Variants in PTPRZ1 observed in about 807,000 individuals in gnomAD.
PTPRZ1 encodes the protein protein tyrosine phosphatase receptor type Z1, also known as receptor-type tyrosine-protein phosphatase zeta.
A neutral mutation model predicts 214.1 loss-of-function variants in PTPRZ1; 82 were observed. That is an observed-to-expected ratio of 0.38 (90% CI 0.32 to 0.46). The LOEUF (loss-of-function observed/expected upper bound fraction) is 0.46. Ranked by LOEUF, PTPRZ1 falls within the 20% of genes least tolerant of loss-of-function variation. The probability of loss-of-function intolerance (pLI) is 1.00; values close to 1 mark genes in which losing one functional copy is unlikely to be tolerated. For synonymous variants in PTPRZ1, 945 were observed against 987.9 expected, an observed-to-expected ratio of 0.96 and a Z score of 0.81; for missense variants, 2,603 against 2,748.7, an observed-to-expected ratio of 0.95 and a Z score of 1.19.
rs1793932278 is a variant in PTPRZ1 at position 121,873,224 on chromosome 7, G to A, written c.-276G>A. ...CCGCACGCCGGAGGACATGCGCCTC[G>A]GCTAGCGGCCCCGGGCCCCACCACC... On this transcript the variant is annotated 5_prime_UTR_variant, in exon 1 of 30. Coordinates refer to ENST00000393386, the MANE Select transcript of PTPRZ1 (RefSeq NM_002851.3). 1.4e-5 allele frequency: 6 copies of A among 424,696 alleles called. No individual in the cohort carries two copies. The South Asian group carries it at 4.6e-4, about 32-fold the overall frequency. 26.3% of individuals were successfully genotyped at this position (424,696 alleles called of 1,614,324 possible).
intron 8 of PTPRZ1, among the ~76,000 whole-genome samples, chr7:121,992,561 T>C (rs555317464): frequency 2.6e-5 from 4 of 152,328 alleles, no homozygotes; most frequent in African/African-American, 9.6e-5. Flanking sequence ...AGGAAATGTG[T>C]ATAAATTTGA....
rs573413729 is a variant in PTPRZ1, at chr7:121,991,254, A to G, written c.929-5128A>G. 3.3e-5 allele frequency among the ~76,000 whole-genome samples: 5 copies of G among 152,350 alleles called. No individual in the cohort carries two copies. In the South Asian group the frequency reaches 6.2e-4, roughly 19 times the overall value. On this transcript the variant is annotated intron_variant, in intron 8 of 29. Transcript: ENST00000393386. ...GTGCTACTGACTCATAACTAGTATC[A>G]TTGTCATGTGTATATATGGACAGCC...
At chr7:122,023,878 C>G (rs1192290614) in intron 13 of PTPRZ1, among the ~76,000 whole-genome samples, 2 of 142,144 alleles carry the variant, frequency 1.4e-5, no homozygotes, top group Non-Finnish European at 3.0e-5. Flanking sequence ...TAGCCAGACC[C>G]AGGAATAGAA....
intron 29 of PTPRZ1, among the ~76,000 whole-genome samples, chr7:122,060,776 C>T (rs529648125): frequency 2.0e-5 from 3 of 152,266 alleles, no homozygotes; most frequent in South Asian, 2.1e-4. Context: ...CAAACGGTTT[C>T]GCCCACAAGT....
At chr7:121,928,783 T>C (rs1320960639) in intron 2 of PTPRZ1, among the ~76,000 whole-genome samples, 1 of 152,318 alleles carries the variant, frequency 6.6e-6, no homozygotes, top group Admixed American at 6.5e-5. Flanking sequence ...GCCTAGAACA[T>C]TATGAACATC....
At chr7:122,009,252 G>A (rs938105111) in intron 11 of PTPRZ1, among the ~76,000 whole-genome samples, 3 of 152,008 alleles carry the variant, frequency 2.0e-5, no homozygotes, top group Non-Finnish European at 4.4e-5. Context: ...AGATTTCCGT[G>A]TGTATGACAC....
chr7:121,939,186 T>C (rs1796173347), intron 2 of PTPRZ1, among the ~76,000 whole-genome samples: 1 of 152,246 alleles, frequency 6.6e-6, no homozygotes, highest in African/African-American at 2.4e-5. Context: ...AAATAGATTA[T>C]ACAAAAGATA....
intron 6 of PTPRZ1, among the ~76,000 whole-genome samples, chr7:121,978,063 T>C (rs1022874689): frequency 3.3e-5 from 5 of 152,150 alleles, no homozygotes; most frequent in African/African-American, 1.2e-4. Context: ...GGGGGTGCCT[T>C]GGAAGGCACT....
At chr7:121,908,073 T>G (rs1273156229) in intron 1 of PTPRZ1, among the ~76,000 whole-genome samples, 1 of 152,130 alleles carries the variant, frequency 6.6e-6, no homozygotes, top group Non-Finnish European at 1.5e-5. Context: ...TACTAAGCTC[T>G]AACCAAATGT....
chr7:121,963,438 T>C (rs1796940998), intron 2 of PTPRZ1, among the ~76,000 whole-genome samples: 1 of 152,060 alleles, frequency 6.6e-6, no homozygotes, highest in Non-Finnish European at 1.5e-5. Flanking sequence ...GTTGAAATAA[T>C]GAATAAGCAT....
intron 1 of PTPRZ1, among the ~76,000 whole-genome samples, chr7:121,902,440 T>C (rs1448858907): frequency 6.6e-6 from 1 of 152,182 alleles, no homozygotes; most frequent in Non-Finnish European, 1.5e-5. Flanking sequence ...AACATCATGC[T>C]TTCTTCCAAA....
intron 2 of PTPRZ1, among the ~76,000 whole-genome samples, chr7:121,962,876 A>G (rs770426677): frequency 1.3e-5 from 2 of 152,062 alleles, no homozygotes; most frequent in Non-Finnish European, 2.9e-5. Flanking sequence ...TGTGCACAAT[A>G]TTAACACTTC....
chr7:121,961,207 T>A (rs1440251530), intron 2 of PTPRZ1, among the ~76,000 whole-genome samples: 1 of 152,190 alleles, frequency 6.6e-6, no homozygotes, highest in Non-Finnish European at 1.5e-5. Flanking sequence ...TATGAGCTCC[T>A]TCCTCTTCCA....
intron 11 of PTPRZ1, among the ~76,000 whole-genome samples, chr7:122,007,485 A>G (rs1397388543): frequency 6.6e-6 from 1 of 152,160 alleles, no homozygotes; most frequent in Non-Finnish European, 1.5e-5. Context: ...AAAGAGACCC[A>G]TGTCACAATA....
At chr7:121,960,346 CACAA>C (rs766734399) in intron 2 of PTPRZ1, among the ~76,000 whole-genome samples, 144 of 152,212 alleles carry the variant, frequency 9.5e-4, no homozygotes, top group Non-Finnish European at 1.5e-3. Flanking sequence ...CTAGCTGAGA[CACAA>C]ACATTTTCTT....
chr7:121,984,637 T>C (rs960262169), intron 8 of PTPRZ1, among the ~76,000 whole-genome samples: 6 of 152,180 alleles, frequency 3.9e-5, no homozygotes, highest in African/African-American at 1.4e-4. Context: ...CCTAGCACCT[T>C]ATCAGTACTG....
intron 10 of PTPRZ1, 139 bp downstream of exon 10, chr7:121,998,145 A>T (rs1231405305): frequency 9.4e-6 from 9 of 962,484 alleles, no homozygotes; most frequent in Non-Finnish European, 1.3e-5. Flanking sequence ...TTGCCGGGTA[A>T]TTTTTTGGGG....
Position 122,059,906 on chromosome 7 carries a change from G to C in PTPRZ1, c.6807+18G>C, listed in dbSNP as rs191341370. The C allele has an allele frequency of 5.0e-6, 8 of 1,602,522 alleles. No homozygotes were observed. The African/African-American group carries it at 8.1e-5, about 16-fold the overall frequency. ...CTGACATTGTAAGTAACAAGGCAGT[G>C]AACGAAATTTTTCACTGATAGAGTA... On this transcript the variant is annotated intron_variant, in intron 29 of 29. Coordinates refer to ENST00000393386, the MANE Select transcript of PTPRZ1 (RefSeq NM_002851.3).
chr7:121,899,199 T>C (rs1275302678), intron 1 of PTPRZ1, among the ~76,000 whole-genome samples: 2 of 152,168 alleles, frequency 1.3e-5, no homozygotes, highest in African/African-American at 4.8e-5. Flanking sequence ...TGAGAACATA[T>C]CTCTCTTTTC....
Sources: allele counts gnomAD v4.1 joint callset (sites outside exome capture counted in the v4.1 genomes callset), GRCh38; gene constraint gnomAD v4.1.1; transcripts MANE v1.5; gene names NCBI Gene and HGNC (gene_info 2026-07-23, HGNC 2026-07-21).